Variants in ADCK1 observed in about 807,000 individuals in gnomAD.
ADCK1 encodes aarF domain-containing protein kinase 1.
In ADCK1, 41 loss-of-function variants were observed where a neutral mutation model predicts 52.3. That is an observed-to-expected ratio of 0.78 (90% CI 0.61 to 1.02). The LOEUF (loss-of-function observed/expected upper bound fraction) is 1.02. Among genes scored for constraint, ADCK1 ranks in the 50% least tolerant of loss-of-function variants. ADCK1 has a pLI of 0.00. For synonymous variants in ADCK1, 250 were observed against 274.6 expected, an observed-to-expected ratio of 0.91 and a Z score of 0.89; for missense variants, 658 against 679.5, an observed-to-expected ratio of 0.97 and a Z score of 0.35.
At chr14:77,853,477 T>C (rs1483970837) in intron 3 of ADCK1, among the ~76,000 whole-genome samples, 1 of 152,248 alleles carries the variant, frequency 6.6e-6, no homozygotes, top group Non-Finnish European at 1.5e-5. Context: ...TATTGAGCTT[T>C]GTTCTGGGAC....
intron 5 of ADCK1, among the ~76,000 whole-genome samples, chr14:77,887,985 T>G (rs1325892105): frequency 6.6e-6 from 1 of 152,206 alleles, no homozygotes; most frequent in Non-Finnish European, 1.5e-5. Context: ...CCAAACTTGA[T>G]GCATATATTG....
intron 1 of ADCK1, among the ~76,000 whole-genome samples, chr14:77,807,221 A>G (rs968983499): frequency 3.3e-5 from 5 of 151,410 alleles, no homozygotes; most frequent in African/African-American, 4.9e-5. Flanking sequence ...GGCGCCCGCC[A>G]CCACGCCCGG....
chr14:77,917,739 C>T (rs1015487675), intron 7 of ADCK1, among the ~76,000 whole-genome samples: 1 of 152,264 alleles, frequency 6.6e-6, no homozygotes, highest in Middle Eastern at 3.4e-3. Flanking sequence ...CTAAATGGCA[C>T]TGTACTGTAG....
At chr14:77,850,325 T>C (rs2082255991) in intron 3 of ADCK1, among the ~76,000 whole-genome samples, 1 of 152,270 alleles carries the variant, frequency 6.6e-6, no homozygotes. Flanking sequence ...GATTGGTTGA[T>C]AGTGTTCAAG....
At chr14:77,851,621 T>C (rs2082286801) in intron 3 of ADCK1, among the ~76,000 whole-genome samples, 1 of 152,222 alleles carries the variant, frequency 6.6e-6, no homozygotes, top group Admixed American at 6.5e-5. Context: ...TTTGTTGGTT[T>C]ATGAGTTATA....
chr14:77,927,673 G>A (rs936385400), intron 9 of ADCK1, among the ~76,000 whole-genome samples: 5 of 152,180 alleles, frequency 3.3e-5, no homozygotes, highest in Admixed American at 6.5e-5. Context: ...GCTTGAGGAG[G>A]TGACATTTCA....
intron 4 of ADCK1, among the ~76,000 whole-genome samples, chr14:77,859,524 T>A (rs775700356): frequency 6.6e-6 from 1 of 152,182 alleles, no homozygotes; most frequent in African/African-American, 2.4e-5. Flanking sequence ...AACCTATATA[T>A]CATTCATATG....
intron 1 of ADCK1, among the ~76,000 whole-genome samples, chr14:77,805,681 GCA>G (rs1468886618): frequency 6.6e-6 from 1 of 152,098 alleles, no homozygotes; most frequent in Non-Finnish European, 1.5e-5. Context: ...TTGAGGAATG[GCA>G]CAGAGGCCAG....
At chr14:77,875,146 G>A (rs1419261175) in intron 4 of ADCK1, among the ~76,000 whole-genome samples, 1 of 152,134 alleles carries the variant, frequency 6.6e-6, no homozygotes, top group Admixed American at 6.5e-5. Flanking sequence ...AGGCAAAATG[G>A]GGCGGTGGCT....
At chr14:77,890,182 G>C (rs2083254856) in intron 5 of ADCK1, among the ~76,000 whole-genome samples, 1 of 152,246 alleles carries the variant, frequency 6.6e-6, no homozygotes, top group Non-Finnish European at 1.5e-5. Flanking sequence ...GCCGGGGCTT[G>C]GTAGAGAAAC....
chr14:77,839,371 G>T (rs1436796492), intron 3 of ADCK1, among the ~76,000 whole-genome samples: 3 of 152,166 alleles, frequency 2.0e-5, no homozygotes, highest in African/African-American at 4.8e-5. Context: ...ACCTTCAAAG[G>T]ATGGGCAGGT....
At chr14:77,931,761 C>G in intron 10 of ADCK1, 50 bp downstream of exon 10, 1 of 1,560,862 alleles carries the variant, frequency 6.4e-7, no homozygotes, top group Non-Finnish European at 8.7e-7. Context: ...CTGGCCTGCC[C>G]CAGGGGTCCT....
rs150899300 is a variant in ADCK1 at position 77,837,906 on chromosome 14, A to G, written c.219+15388A>G. On this transcript the variant is annotated intron_variant, in intron 3 of 10. Transcript: ENST00000238561. ...ACAGACTCATACTGGCTTGGATGAG[A>G]TGTGTTTCTCTTGCCTCAGTGGCCA... is the stretch of plus-strand genomic sequence containing the variant. Among the ~76,000 whole-genome samples the G allele has an allele frequency of 1.3e-3, 203 of 152,272 alleles. 1 individual carries two copies. Among genetic ancestry groups the G allele is most frequent in the African/African-American group, 4.4e-3 (183 of 41,556 alleles).
chr14:77,881,410 G>A (rs1038327039), intron 4 of ADCK1, among the ~76,000 whole-genome samples: 1 of 152,238 alleles, frequency 6.6e-6, no homozygotes, highest in Admixed American at 6.5e-5. Context: ...GAAGTCCCAT[G>A]CTATCGCTTC....
At chr14:77,919,026 C>G (rs2083988576) in intron 7 of ADCK1, among the ~76,000 whole-genome samples, 1 of 152,190 alleles carries the variant, frequency 6.6e-6, no homozygotes. Context: ...CTCTTTGAAC[C>G]AGCTCTACCA....
intron 1 of ADCK1, 50 bp from the exon 2 acceptor site, chr14:77,818,918 C>T: frequency 1.9e-6 from 3 of 1,596,324 alleles, no homozygotes; most frequent in Non-Finnish European, 2.6e-6. Context: ...GTTTGACTAA[C>T]TATGAAACTT....
rs951479234 is a variant in ADCK1 at position 77,934,716 on chromosome 14, C to G, written c.*1325C>G. The G allele has an allele frequency of 6.6e-6, 1 of 152,174 alleles. No homozygotes were observed. Among genetic ancestry groups the G allele is most frequent in the Non-Finnish European group, 1.5e-5 (1 of 68,052 alleles). 9.4% of individuals were successfully genotyped at this position (152,174 alleles called of 1,614,324 possible). On this transcript the variant is annotated 3_prime_UTR_variant, in exon 11 of 11. Transcript: ENST00000238561. ...TCACGGACAGTAATTGTATTTGAGC[C>G]TCTCTGATCTTACTTCACCCAATTC... is the stretch of plus-strand genomic sequence containing the variant.
At chr14:77,856,604 C>G (rs72690647) in intron 3 of ADCK1, among the ~76,000 whole-genome samples, 2,152 of 152,310 alleles carry the variant, frequency 0.014, 18 homozygotes, top group Non-Finnish European at 0.022. Context: ...CCTCCTTGGG[C>G]TTTGACTCCA....
chr14:77,917,840 TG>T (rs1387956705), intron 7 of ADCK1, among the ~76,000 whole-genome samples: 3 of 152,126 alleles, frequency 2.0e-5, no homozygotes, highest in African/African-American at 4.8e-5. Flanking sequence ...TGCCGGCTTC[TG>T]GGGTTGGAGT....
Sources: allele counts gnomAD v4.1 joint callset (sites outside exome capture counted in the v4.1 genomes callset), GRCh38; gene constraint gnomAD v4.1.1; transcripts MANE v1.5; gene names NCBI Gene and HGNC (gene_info 2026-07-23, HGNC 2026-07-21).